THADA: variants seen among roughly 807,000 people sequenced by gnomAD.
THADA encodes the protein THADA armadillo repeat containing.
A neutral mutation model predicts 219.8 loss-of-function variants in THADA; 213 were observed. That is an observed-to-expected ratio of 0.97 (90% CI 0.87 to 1.09). THADA has a LOEUF of 1.09. Ranked by LOEUF, THADA falls within the 50% of genes least tolerant of loss-of-function variation. The pLI, the probability that THADA is intolerant of heterozygous loss-of-function variation, is 0.00. For missense variants in THADA, 2,956 were observed against 2,311.3 expected (o/e 1.28, Z -5.72); for synonymous variants, 1,018 against 828.9 (o/e 1.23, Z -3.92).
chr2:43,320,560 A>G lies in THADA; in HGVS notation c.4344-20T>C, dbSNP rs2104462559. On this transcript the variant is annotated intron_variant, in intron 30 of 37. Coordinates refer to ENST00000405975, the MANE Select transcript of THADA (RefSeq NM_022065.5). ...TTTTGCCTAGAAAGGTAAAGAACAG[A>G]ATATAAATTGAGATTTTCTCTCCCT... 1.3e-6 allele frequency: 2 copies of G among 1,584,588 alleles called. No individual in the cohort carries two copies. The highest frequency in any genetic ancestry group is 1.7e-6 in the Non-Finnish European group (2 of 1,157,872).
At chr2:43,526,941 T>C (rs1191898603) in intron 22 of THADA, among the ~76,000 whole-genome samples, 1 of 152,242 alleles carries the variant, frequency 6.6e-6, no homozygotes, top group East Asian at 1.9e-4. Flanking sequence ...ATAAGTCATA[T>C]CTACACTGGA....
intron 25 of THADA, among the ~76,000 whole-genome samples, chr2:43,491,682 C>T (rs938279629): frequency 2.0e-5 from 3 of 152,108 alleles, no homozygotes; most frequent in Middle Eastern, 3.2e-3. Flanking sequence ...TATCATACAA[C>T]CTAGGTGTGG....
chr2:43,580,496 CCTTTT>C (rs142518917), intron 8 of THADA, among the ~76,000 whole-genome samples: 14,777 of 152,108 alleles, frequency 0.097, 792 homozygotes, highest in South Asian at 0.15. Context: ...ACTTTCCTTT[CCTTTT>C]AATACCTGAG....
rs74736596 is a variant in THADA, at chr2:43,349,832, T to C, written c.4228-5595A>G. On this transcript the variant is annotated intron_variant, in intron 29 of 37. Coordinates refer to ENST00000405975, the MANE Select transcript of THADA (RefSeq NM_022065.5). ...TGTATTTTCTTAAAAGCAAATGCTATGTTTTTCCCTTGCTGCATGCAGACT... is the reference window on the plus strand; with the variant it reads ...TGTATTTTCTTAAAAGCAAATGCTACGTTTTTCCCTTGCTGCATGCAGACT... Among the ~76,000 whole-genome samples, 270 of 152,344 alleles carry C rather than the reference T, an allele frequency of 1.8e-3. 6 individuals carry two copies. The East Asian group carries it at 0.034, about 19-fold the overall frequency.
At chr2:43,476,722 C>A (rs1444453578) in intron 26 of THADA, among the ~76,000 whole-genome samples, 1 of 152,100 alleles carries the variant, frequency 6.6e-6, no homozygotes. Context: ...CACTCTTCAC[C>A]CACCCCACAA....
chr2:43,338,345 A>G (rs574403655), intron 30 of THADA, among the ~76,000 whole-genome samples: 1 of 152,010 alleles, frequency 6.6e-6, no homozygotes, highest in African/African-American at 2.4e-5. Flanking sequence ...TTTAGTAGAG[A>G]TGGGTTTCAC....
At chr2:43,244,094 A>C (rs1038822425) in intron 36 of THADA, among the ~76,000 whole-genome samples, 7 of 152,232 alleles carry the variant, frequency 4.6e-5, no homozygotes, top group African/African-American at 1.7e-4. Flanking sequence ...ATGATTTTAA[A>C]AATGTGGGCC....
chr2:43,430,729 A>G, intron 26 of THADA: 1 of 447,842 alleles, frequency 2.2e-6, no homozygotes, highest in South Asian at 1.6e-5. Context: ...TGGACCAAAT[A>G]ACTCTTTGTT....
At chr2:43,375,715 G>A (rs947274338) in intron 29 of THADA, among the ~76,000 whole-genome samples, 2 of 152,112 alleles carry the variant, frequency 1.3e-5, no homozygotes, top group African/African-American at 4.8e-5. Context: ...AGAATATAAC[G>A]CTGGTTATTC....
intron 36 of THADA, among the ~76,000 whole-genome samples, chr2:43,268,099 T>A (rs1671726312): frequency 6.6e-6 from 1 of 152,234 alleles, no homozygotes; most frequent in African/African-American, 2.4e-5. Context: ...CCACCTGCTG[T>A]TCTCTGCCTC....
chr2:43,566,697 C>A lies in THADA; in HGVS notation c.2311+1G>T. 1 of 1,607,398 alleles carries A rather than the reference C, an allele frequency of 6.2e-7. No individual in the cohort carries two copies. Among genetic ancestry groups the A allele is most frequent in the South Asian group, 1.1e-5 (1 of 88,874 alleles). Reference sequence around the variant, plus strand: ...TTCCCCTAACATTATTAAACACTTACCTTCTGGGACATGAAAAACTTCAGC... The same window carrying A: ...TTCCCCTAACATTATTAAACACTTAACTTCTGGGACATGAAAAACTTCAGC... On this transcript the variant is annotated splice_donor_variant, in intron 15 of 37. Transcript: ENST00000405975. LOFTEE classifies it high-confidence loss of function.
At chr2:43,349,617 C>T (rs1263086656) in intron 29 of THADA, among the ~76,000 whole-genome samples, 2 of 152,152 alleles carry the variant, frequency 1.3e-5, no homozygotes, top group Non-Finnish European at 2.9e-5. Context: ...ATAAAATCAA[C>T]AGCAGCTGAG....
intron 23 of THADA, 59 bp downstream of exon 23, chr2:43,508,589 G>C: frequency 1.3e-6 from 2 of 1,560,074 alleles, no homozygotes; most frequent in Non-Finnish European, 1.7e-6. Flanking sequence ...AACAGGTTAG[G>C]ATACACTATC....
intron 36 of THADA, among the ~76,000 whole-genome samples, chr2:43,253,514 GTGT>G (rs1359509926): frequency 1.3e-5 from 2 of 152,050 alleles, no homozygotes. Context: ...CCTTTCAACA[GTGT>G]TTGCGTGGGT....
intron 22 of THADA, among the ~76,000 whole-genome samples, chr2:43,523,442 C>T (rs1692752469): frequency 6.6e-6 from 1 of 152,106 alleles, no homozygotes; most frequent in South Asian, 2.1e-4. Flanking sequence ...GACTCTTCCC[C>T]AAATCTTATA....
At chr2:43,436,782 C>G (rs576288961) in intron 26 of THADA, among the ~76,000 whole-genome samples, 1 of 152,310 alleles carries the variant, frequency 6.6e-6, no homozygotes, top group South Asian at 2.1e-4. Flanking sequence ...CCTCAACTGA[C>G]GTAGGGATCT....
intron 21 of THADA, among the ~76,000 whole-genome samples, chr2:43,539,215 T>C (rs1694988529): frequency 6.6e-6 from 1 of 152,214 alleles, no homozygotes; most frequent in Non-Finnish European, 1.5e-5. Flanking sequence ...GGCTTGACTC[T>C]TAAACTCATA....
intron 35 of THADA, among the ~76,000 whole-genome samples, chr2:43,284,565 A>G (rs773914872): frequency 2.0e-5 from 3 of 152,206 alleles, no homozygotes; most frequent in Non-Finnish European, 4.4e-5. Flanking sequence ...TCCAGGCAGA[A>G]GTCTGCTGCA....
At chr2:43,563,219 C>T (rs1698287421) in intron 15 of THADA, 1 of 152,188 alleles carries the variant, frequency 6.6e-6, no homozygotes, top group African/African-American at 2.4e-5. Context: ...GCTTTTGCTG[C>T]AATGCATAAG....
Sources: allele counts gnomAD v4.1 joint callset (sites outside exome capture counted in the v4.1 genomes callset), GRCh38; gene constraint gnomAD v4.1.1; transcripts MANE v1.5; gene names NCBI Gene and HGNC (gene_info 2026-07-23, HGNC 2026-07-21).